Variants in PFKFB4 observed in about 807,000 individuals in gnomAD.
PFKFB4 encodes the protein 6-phosphofructo-2-kinase/fructose-2,6-bisphosphatase 4.
PFKFB4 carries 42 observed loss-of-function variants against 62.8 expected under a neutral mutation model. The ratio of observed to expected loss-of-function variants is 0.67; its 90% CI spans 0.52 to 0.86. The LOEUF (loss-of-function observed/expected upper bound fraction) is 0.86, where lower values mean the gene tolerates loss of function less well. Ranked by LOEUF, PFKFB4 falls within the 40% of genes least tolerant of loss-of-function variation. The pLI, the probability that PFKFB4 is intolerant of heterozygous loss-of-function variation, is 0.00. For synonymous variants in PFKFB4, 204 were observed against 240.7 expected (o/e 0.85, Z 1.41); for missense variants, 475 against 627.2 (o/e 0.76, Z 2.59).
intron 9 of PFKFB4, 132 bp downstream of exon 9, chr3:48,535,380 G>A (rs2042565690): frequency 5.0e-6 from 4 of 795,028 alleles, no homozygotes; most frequent in Non-Finnish European, 8.0e-6. Context: ...TCTGCTCCCA[G>A]CCCCTAGGTT....
At chr3:48,539,538 A>G in intron 5 of PFKFB4, 159 bp downstream of exon 5, 2 of 741,082 alleles carry the variant, frequency 2.7e-6, no homozygotes, top group South Asian at 3.4e-5. Flanking sequence ...TCCCTCTGGA[A>G]AGCAAACCCC....
At chr3:48,532,363 G>A (rs2107506053) in intron 9 of PFKFB4, among the ~76,000 whole-genome samples, 1 of 152,204 alleles carries the variant, frequency 6.6e-6, no homozygotes, top group African/African-American at 2.4e-5. Context: ...ATAGGATCTG[G>A]CAATTCCACT....
At chr3:48,544,865 G>A (rs2042914751) in intron 3 of PFKFB4, among the ~76,000 whole-genome samples, 1 of 151,326 alleles carries the variant, frequency 6.6e-6, no homozygotes, top group African/African-American at 2.4e-5. Context: ...CAGGGATTAT[G>A]GGCACGTGCC....
chr3:48,525,771 G>C, intron 9 of PFKFB4, 102 bp from the exon 10 acceptor site: 1 of 528,098 alleles, frequency 1.9e-6, no homozygotes. Flanking sequence ...CCAAGTTCAC[G>C]GGCATTTCCT....
chr3:48,546,503 C>T (rs1479894778), intron 3 of PFKFB4, among the ~76,000 whole-genome samples: 1 of 152,140 alleles, frequency 6.6e-6, no homozygotes, highest in African/African-American at 2.4e-5. Context: ...ACACACATGA[C>T]TCTGAGGTAT....
Position 48,538,571 on chromosome 3 carries a change from C to T in PFKFB4, c.559G>A (p.Ala187Thr), listed in dbSNP as rs1489819318. The change falls in exon 7 of 14, where the codon GCT (alanine) becomes ACT (threonine). Residue 187 changes from alanine to threonine, a missense_variant. Transcript: ENST00000232375. ...ATGCGCCTCATGAAGTCCTCCGTAG[C>T]CTCATCACTGTCGCGGTTGACATAG... ...PDYVNRDSDE[A>T]TEDFMRRIEC... The T allele has an allele frequency of 1.2e-6, 2 of 1,614,182 alleles. No homozygotes were observed. The highest frequency in any genetic ancestry group is 2.2e-5 in the South Asian group (2 of 91,082).
At chr3:48,560,950 C>T, upstream of PFKFB4, 2 of 440,408 alleles carry the variant, frequency 4.5e-6, no homozygotes, top group South Asian at 2.8e-5. Flanking sequence ...ACCCCTAAAC[C>T]AGGAGAGACC....
upstream of PFKFB4, among the ~76,000 whole-genome samples, chr3:48,557,374 C>A (rs1459387175): frequency 6.6e-6 from 1 of 152,244 alleles, no homozygotes; most frequent in Non-Finnish European, 1.5e-5. Context: ...TCCTGCCCCT[C>A]CTCGGGGTCC....
At position 48,523,566 on chromosome 3, in the gene PFKFB4, G is replaced by A. The variant is rs774128971; in HGVS notation, c.1256C>T (p.Thr419Ile). Residue 419 changes from threonine to isoleucine, a missense_variant, in exon 12 of 14, where the codon ACA (threonine) becomes ATA (isoleucine). Transcript: ENST00000232375. Reference sequence around the variant, plus strand: ...TGCCACAGGAGTCAGCTTCAGGACTGTGTGCAGCGGACACTTGAGGTAGGG... The same window carrying A: ...TGCCACAGGAGTCAGCTTCAGGACTATGTGCAGCGGACACTTGAGGTAGGG... ...QLPYLKCPLH[T>I]VLKLTPVAYG... 27 of 1,614,050 alleles carry A rather than the reference G, an allele frequency of 1.7e-5. No homozygotes were observed. Among genetic ancestry groups the A allele is most frequent in the Non-Finnish European group, 2.5e-6 (3 of 1,180,032 alleles).
chr3:48,552,584 T>A (rs550908908), intron 1 of PFKFB4, among the ~76,000 whole-genome samples: 10 of 152,280 alleles, frequency 6.6e-5, no homozygotes, highest in African/African-American at 2.4e-4. Flanking sequence ...GAGGCCCGCA[T>A]TGTGCATTGT....
At chr3:48,538,383 CCAT>C in intron 7 of PFKFB4, 112 bp downstream of exon 7, 1 of 1,308,162 alleles carries the variant, frequency 7.6e-7, no homozygotes, top group Non-Finnish European at 1.1e-6. Flanking sequence ...AAAGGTCAGA[CCAT>C]CTCTGCTTTT....
upstream of PFKFB4, chr3:48,561,209 G>C: frequency 1.6e-6 from 1 of 611,614 alleles, no homozygotes; most frequent in South Asian, 1.9e-5. This position sits in a 1 kb window ranked among gnomAD's most constrained non-coding sequence, Gnocchi z 5.2. Flanking sequence ...CGACTCCTGC[G>C]GCTCCTGCAG....
rs2042097858 is a variant in PFKFB4 at position 48,521,671 on chromosome 3, C to T, written c.1350+315G>A. ...AGCCCAAGGGCCCCCTTGACTTAGA[C>T]CTCCAAGTTGCTGCTTGGGAGCCCT... On this transcript the variant is annotated intron_variant, in intron 13 of 13. Coordinates refer to ENST00000232375, the MANE Select transcript of PFKFB4 (RefSeq NM_004567.4). This position sits in a 1 kb window ranked among gnomAD's most constrained non-coding sequence, Gnocchi z 5.3. 6.6e-6 allele frequency among the ~76,000 whole-genome samples: 1 copy of T among 152,182 alleles called. No individual in the cohort carries two copies. Among genetic ancestry groups the T allele is most frequent in the African/African-American group, 2.4e-5 (1 of 41,438 alleles).
rs571744838 is a variant in PFKFB4 at position 48,524,558 on chromosome 3, A to G, written c.1093-728T>C. ...TTTGGTAACATGAATTTCTCAACCAATTCTCCTCACTGTATTCTCATGTTT... is the reference window on the plus strand; with the variant it reads ...TTTGGTAACATGAATTTCTCAACCAGTTCTCCTCACTGTATTCTCATGTTT... On this transcript the variant is annotated intron_variant, in intron 10 of 13. Coordinates refer to ENST00000232375, the MANE Select transcript of PFKFB4 (RefSeq NM_004567.4). Among the ~76,000 whole-genome samples, 43 of 152,318 alleles carry G rather than the reference A, an allele frequency of 2.8e-4. 1 individual carries two copies. In the South Asian group the frequency reaches 7.5e-3, roughly 26 times the overall value.
chr3:48,521,315 G>A lies in PFKFB4; in HGVS notation c.1350+671C>T, dbSNP rs2107442990. Among the ~76,000 whole-genome samples, 1 of 152,206 alleles carries A rather than the reference G, an allele frequency of 6.6e-6. No individual in the cohort carries two copies. Among genetic ancestry groups the A allele is most frequent in the South Asian group, 2.1e-4 (1 of 4,826 alleles). On this transcript the variant is annotated intron_variant, in intron 13 of 13. Coordinates refer to ENST00000232375, the MANE Select transcript of PFKFB4 (RefSeq NM_004567.4). The surrounding 1 kb of genome is among the most constrained non-coding windows in gnomAD (Gnocchi z 5.3). ...GGTCCTATCCTTGGCCCCAGTGGGAGAGGGAGCCAACATTGTGGAGGGACC... is the reference window on the plus strand; with the variant it reads ...GGTCCTATCCTTGGCCCCAGTGGGAAAGGGAGCCAACATTGTGGAGGGACC...
chr3:48,534,657 T>C (rs1255400538), intron 9 of PFKFB4, among the ~76,000 whole-genome samples: 6 of 130,148 alleles, frequency 4.6e-5, no homozygotes, highest in Non-Finnish European at 8.0e-5. Flanking sequence ...GGTGACAGAG[T>C]AAGATCTTGT....
At chr3:48,544,427 T>A (rs923992309) in intron 3 of PFKFB4, among the ~76,000 whole-genome samples, 2 of 149,250 alleles carry the variant, frequency 1.3e-5, no homozygotes, top group African/African-American at 2.5e-5. Flanking sequence ...ACACTGACTA[T>A]ACAGTTTTCA....
upstream of PFKFB4, among the ~76,000 whole-genome samples, chr3:48,557,632 G>A (rs2043363351): frequency 6.6e-6 from 1 of 152,144 alleles, no homozygotes; most frequent in Non-Finnish European, 1.5e-5. Flanking sequence ...CGCCTCCCGG[G>A]TTCAAGGGAT....
At chr3:48,561,123 C>T (rs988658144), upstream of PFKFB4, 2 of 1,282,028 alleles carry the variant, frequency 1.6e-6, no homozygotes, top group Admixed American at 2.4e-5. The surrounding 1 kb of genome is among the most constrained non-coding windows in gnomAD (Gnocchi z 5.2). Context: ...CATCCTGCAA[C>T]CAAACTGGCC....
Sources: allele counts gnomAD v4.1 joint callset (sites outside exome capture counted in the v4.1 genomes callset), GRCh38; gene constraint gnomAD v4.1.1; non-coding constraint Gnocchi (gnomAD v3.1); transcripts MANE v1.5; gene names NCBI Gene and HGNC (gene_info 2026-07-23, HGNC 2026-07-21).